ICA1: variants seen among roughly 807,000 people sequenced by gnomAD.
The protein encoded by ICA1 is 69 kDa islet cell autoantigen.
ICA1 carries 40 observed loss-of-function variants against 71.0 expected under a neutral mutation model. The ratio of observed to expected loss-of-function variants is 0.56; its 90% CI spans 0.44 to 0.73. The LOEUF (loss-of-function observed/expected upper bound fraction) is 0.73, where lower values mean the gene tolerates loss of function less well. Among genes scored for constraint, ICA1 ranks in the 30% least tolerant of loss-of-function variants. ICA1 has a pLI of 0.00. For synonymous variants in ICA1, 207 were observed against 209.5 expected (o/e 0.99, Z 0.10); for missense variants, 578 against 576.5 (o/e 1.00, Z -0.03).
chr7:8,154,648 G>C (rs1394262649), intron 8 of ICA1, among the ~76,000 whole-genome samples: 1 of 152,018 alleles, frequency 6.6e-6, no homozygotes, highest in African/African-American at 2.4e-5. Context: ...TTTCAAAATG[G>C]CCATTATCAA....
chr7:8,146,365 G>C (rs1796894308), intron 8 of ICA1, among the ~76,000 whole-genome samples: 1 of 152,162 alleles, frequency 6.6e-6, no homozygotes, highest in Non-Finnish European at 1.5e-5. Context: ...AGCTTGGTTT[G>C]TCTGAGGAAC....
chr7:8,204,059 G>A (rs545589013), intron 6 of ICA1, among the ~76,000 whole-genome samples: 3 of 142,860 alleles, frequency 2.1e-5, no homozygotes, highest in African/African-American at 8.7e-5. Context: ...CAGAGAGATT[G>A]GTGAGAAGGA....
At chr7:8,216,592 A>AAAAAC (rs1795473310) in intron 6 of ICA1, among the ~76,000 whole-genome samples, 1 of 152,064 alleles carries the variant, frequency 6.6e-6, no homozygotes, top group African/African-American at 2.4e-5. Flanking sequence ...ACCAAAAAAA[A>AAAAAC]AATTCCACAT....
At chr7:8,252,512 G>T (rs1333460942) in intron 1 of ICA1, among the ~76,000 whole-genome samples, 2 of 152,052 alleles carry the variant, frequency 1.3e-5, no homozygotes, top group African/African-American at 4.8e-5. Flanking sequence ...GTCCAATATA[G>T]CAGACACTAG....
intron 6 of ICA1, among the ~76,000 whole-genome samples, chr7:8,178,196 T>C (rs897424004): frequency 1.3e-5 from 2 of 152,218 alleles, no homozygotes; most frequent in Non-Finnish European, 2.9e-5. Context: ...TGTCACGTTG[T>C]TTCTCCTTCA....
chr7:8,235,104 C>T (rs974535367), intron 2 of ICA1, among the ~76,000 whole-genome samples: 2 of 151,684 alleles, frequency 1.3e-5, no homozygotes, highest in African/African-American at 4.9e-5. Context: ...GCGGAGGTTG[C>T]AGTGAGCTGA....
chr7:8,117,576 C>T (rs145553103), intron 13 of ICA1, among the ~76,000 whole-genome samples: 82 of 152,314 alleles, frequency 5.4e-4, no homozygotes, highest in African/African-American at 1.9e-3. Context: ...TAACACAGCA[C>T]AGGTAGATGT....
chr7:8,196,926 G>A (rs757765692), intron 6 of ICA1, among the ~76,000 whole-genome samples: 2 of 151,920 alleles, frequency 1.3e-5, no homozygotes, highest in South Asian at 2.1e-4. Flanking sequence ...CTTTCCTCCC[G>A]CCATGTGACA....
In ICA1 at chr7:8,113,630, G is replaced by A. The variant is rs552946770; in HGVS notation, c.*293C>T. ...CTTCTGATTTCAACTTGGATCTCAC[G>A]GTAGCCCAGTGACACCGCAGCAGCC... On this transcript the variant is annotated 3_prime_UTR_variant, in exon 14 of 14. Coordinates refer to ENST00000402384, the MANE Select transcript of ICA1 (RefSeq NM_001136020.3). This position sits in a 1 kb window ranked among gnomAD's most constrained non-coding sequence, Gnocchi z 4.2. The A allele has an allele frequency of 9.2e-5, 23 of 249,512 alleles. No homozygotes were observed. Among genetic ancestry groups the A allele is most frequent in the African/African-American group, 4.0e-4 (18 of 45,056 alleles). 15.5% of individuals were successfully genotyped at this position (249,512 alleles called of 1,614,324 possible).
intron 12 of ICA1, 120 bp from the exon 13 acceptor site, chr7:8,128,262 C>G (rs923583672): frequency 7.9e-6 from 8 of 1,008,766 alleles, no homozygotes; most frequent in Non-Finnish European, 1.0e-5. Context: ...AAAATGTCAT[C>G]AAAATATAAG....
At chr7:8,166,472 C>T (rs535376811) in intron 6 of ICA1, among the ~76,000 whole-genome samples, 33 of 152,256 alleles carry the variant, frequency 2.2e-4, no homozygotes, top group African/African-American at 6.7e-4. Flanking sequence ...TCTTTCCTTA[C>T]ACCATACAAA....
intron 13 of ICA1, among the ~76,000 whole-genome samples, chr7:8,124,160 G>A (rs1477183707): frequency 2.4e-5 from 3 of 122,850 alleles, no homozygotes; most frequent in East Asian, 2.3e-4. Flanking sequence ...TCGCTCTGTC[G>A]CCCAGGCTGG....
At chr7:8,206,165 T>G (rs1014428101) in intron 6 of ICA1, among the ~76,000 whole-genome samples, 1 of 152,210 alleles carries the variant, frequency 6.6e-6, no homozygotes, top group Non-Finnish European at 1.5e-5. Context: ...CATAACTGCT[T>G]CTTGAAGTTC....
chr7:8,257,388 G>A (rs1810580576), intron 1 of ICA1, among the ~76,000 whole-genome samples: 1 of 152,182 alleles, frequency 6.6e-6, no homozygotes, highest in South Asian at 2.1e-4. Context: ...ATGTGGCAGT[G>A]AGTGTGATCA....
In ICA1 at chr7:8,228,660, A is replaced by G. The variant is rs1799363690; in HGVS notation, c.197T>C (p.Ile66Thr). 2 of 1,599,496 alleles carry G rather than the reference A, an allele frequency of 1.3e-6. No homozygotes were observed. Among genetic ancestry groups the G allele is most frequent in the Admixed American group, 3.4e-5 (2 of 58,524 alleles). The change falls in exon 4 of 14, where the codon ATT becomes ACT. Residue 66 changes from isoleucine to threonine, a missense_variant. Ile to Thr is a moderately conservative substitution (Grantham distance 89, BLOSUM62 -1). Coordinates refer to ENST00000402384, the MANE Select transcript of ICA1 (RefSeq NM_001136020.3). ...LDAKLELFHS[I>T]QRTCLDLSKA... ...CGATAAGTCCAGACAGGTTCTCTGA[A>G]TTGAATGAAACAGCTGTAATAAAAA...
intron 9 of ICA1, 117 bp from the exon 10 acceptor site, chr7:8,141,934 C>T (rs1562627241): frequency 2.2e-6 from 3 of 1,366,676 alleles, no homozygotes; most frequent in African/African-American, 2.9e-5. Flanking sequence ...ACCACACACA[C>T]GCACACGAAG....
rs1789845423 is a variant in ICA1, at chr7:8,127,833, A to C, written c.1330+40T>G. ...TTTTGGATTGAAAACAAAAAGAATG[A>C]ACAAACAAAAAACCCCATTTCAATC... On this transcript the variant is annotated intron_variant, in intron 13 of 13. Coordinates refer to ENST00000402384, the MANE Select transcript of ICA1 (RefSeq NM_001136020.3). The C allele has an allele frequency of 2.6e-6, 4 of 1,543,244 alleles. No individual in the cohort carries two copies. In the South Asian group the frequency reaches 4.9e-5, roughly 19 times the overall value.
At position 8,227,158 on chromosome 7, in the gene ICA1, GGA is replaced by G. The variant is rs539590406; in HGVS notation, c.256+1441_256+1442del. ...AGGGGGATGGTGGGTATAGTAAGAAGGAGTTTGACCAATAGTTTCCAGAACAC... is the reference window on the plus strand; with the variant it reads ...AGGGGGATGGTGGGTATAGTAAGAAGGTTTGACCAATAGTTTCCAGAACAC... On this transcript the variant is annotated intron_variant, in intron 4 of 13. Coordinates refer to ENST00000402384, the MANE Select transcript of ICA1 (RefSeq NM_001136020.3). 9.8e-5 allele frequency among the ~76,000 whole-genome samples: 15 copies of G among 152,306 alleles called. No homozygotes were observed. In the East Asian group the frequency reaches 2.7e-3, roughly 27 times the overall value.
chr7:8,176,880 G>A (rs1367136704), intron 6 of ICA1, among the ~76,000 whole-genome samples: 2 of 152,160 alleles, frequency 1.3e-5, no homozygotes, highest in Admixed American at 6.5e-5. Flanking sequence ...AGCAGGTTTC[G>A]GAAACATTAA....
Sources: allele counts gnomAD v4.1 joint callset (sites outside exome capture counted in the v4.1 genomes callset), GRCh38; gene constraint gnomAD v4.1.1; non-coding constraint Gnocchi (gnomAD v3.1); transcripts MANE v1.5; gene names NCBI Gene and HGNC (gene_info 2026-07-23, HGNC 2026-07-21).